MMP26: variants seen among roughly 807,000 people sequenced by gnomAD.
MMP26 encodes the protein matrix metalloproteinase-26.
A neutral mutation model predicts 31.0 loss-of-function variants in MMP26; 33 were observed. The observed-to-expected ratio is 1.06, with a 90% CI of 0.81 to 1.42. MMP26 has a LOEUF of 1.42. MMP26 is among the 40% of genes most tolerant of loss of function. The probability of loss-of-function intolerance (pLI) is 0.00; values close to 1 mark genes in which losing one functional copy is unlikely to be tolerated. For synonymous variants in MMP26, 122 were observed against 114.9 expected (o/e 1.06, Z -0.40); for missense variants, 347 against 316.1 (o/e 1.10, Z -0.74).
At chr11:4,760,516 T>G (rs781116172) in intron 1 of MMP26, among the ~76,000 whole-genome samples, 2 of 152,188 alleles carry the variant, frequency 1.3e-5, no homozygotes, top group Non-Finnish European at 2.9e-5. Flanking sequence ...AGAGGATGGA[T>G]ATAATCTCAC....
chr11:4,724,507 A>G (rs1002949537), intron 1 of MMP26, among the ~76,000 whole-genome samples: 9 of 152,236 alleles, frequency 5.9e-5, no homozygotes, highest in African/African-American at 2.2e-4. Context: ...CATTAAAAAC[A>G]TAAAAGAATC....
intron 2 of MMP26, among the ~76,000 whole-genome samples, chr11:4,969,253 T>C (rs1266877921): frequency 3.3e-5 from 5 of 152,016 alleles, no homozygotes; most frequent in Non-Finnish European, 7.4e-5. Context: ...ATTAATGAAC[T>C]CAAGTATAAG....
At chr11:4,713,952 C>T (rs1437432577) in intron 1 of MMP26, among the ~76,000 whole-genome samples, 1 of 152,030 alleles carries the variant, frequency 6.6e-6, no homozygotes, top group African/African-American at 2.4e-5. Flanking sequence ...AGAATGAGCC[C>T]TTGGGAAGCT....
chr11:4,937,100 T>C (rs1194225464), intron 2 of MMP26, among the ~76,000 whole-genome samples: 1 of 152,194 alleles, frequency 6.6e-6, no homozygotes, highest in Non-Finnish European at 1.5e-5. Flanking sequence ...AGGAAGCAGA[T>C]GCTTCCAGTC....
chr11:4,767,744 T>C (rs1054867056), intron 2 of MMP26, among the ~76,000 whole-genome samples: 1 of 152,204 alleles, frequency 6.6e-6, no homozygotes, highest in Admixed American at 6.5e-5. Flanking sequence ...GTGTGTGCTC[T>C]CTCCAGCACA....
intron 2 of MMP26, among the ~76,000 whole-genome samples, chr11:4,897,872 T>C (rs1250434924): frequency 6.6e-6 from 1 of 150,512 alleles, no homozygotes; most frequent in Non-Finnish European, 1.5e-5. Flanking sequence ...TTGTAATTCT[T>C]AAATGGTAAA....
rs1327460919 is a variant in MMP26 at position 4,821,998 on chromosome 11, G to A, written c.-145+54657G>A. 2 of 1,614,028 alleles carry A rather than the reference G, an allele frequency of 1.2e-6. No individual in the cohort carries two copies. The highest frequency in any genetic ancestry group is 8.5e-7 in the Non-Finnish European group (1 of 1,179,964). On this transcript the variant is annotated intron_variant, in intron 2 of 7. Transcript: ENST00000380390. ...TGATCTCATCCAACTCTCCTGCACAGACAATAGGATCAACAGCATCCTTGG... is the reference window on the plus strand; with the variant it reads ...TGATCTCATCCAACTCTCCTGCACAAACAATAGGATCAACAGCATCCTTGG...
At chr11:4,905,477 C>T (rs1334930119) in intron 2 of MMP26, among the ~76,000 whole-genome samples, 2 of 152,074 alleles carry the variant, frequency 1.3e-5, no homozygotes, top group East Asian at 3.9e-4. Context: ...AGTTAAGCTT[C>T]CATATAAAGG....
chr11:4,715,472 T>C (rs1309681135), intron 1 of MMP26, among the ~76,000 whole-genome samples: 5 of 152,080 alleles, frequency 3.3e-5, no homozygotes, highest in Admixed American at 2.6e-4. Flanking sequence ...GTGGATCAAA[T>C]AGTGGATCTA....
intron 2 of MMP26, among the ~76,000 whole-genome samples, chr11:4,851,595 T>G (rs976489669): frequency 1.3e-5 from 2 of 152,040 alleles, no homozygotes; most frequent in African/African-American, 4.8e-5. Flanking sequence ...ATAATTATAA[T>G]ACTCTATTGT....
chr11:4,889,423 C>T (rs1850586596), intron 2 of MMP26, among the ~76,000 whole-genome samples: 1 of 152,162 alleles, frequency 6.6e-6, no homozygotes, highest in Admixed American at 6.5e-5. Context: ...CAATCAATCA[C>T]ACTTTTTTTC....
intron 2 of MMP26, among the ~76,000 whole-genome samples, chr11:4,870,892 T>C (rs112908291): frequency 0.012 from 1,791 of 152,216 alleles, 38 homozygotes; most frequent in African/African-American, 0.041. Flanking sequence ...GTAGATGATA[T>C]TTAAAGCAGT....
intron 2 of MMP26, among the ~76,000 whole-genome samples, chr11:4,846,647 TC>T (rs954290631): frequency 1.1e-4 from 17 of 152,116 alleles, no homozygotes; most frequent in African/African-American, 4.1e-4. Flanking sequence ...CATGCCTGTA[TC>T]AAAACATCTC....
chr11:4,936,359 T>C (rs1846112025), intron 2 of MMP26, among the ~76,000 whole-genome samples: 1 of 152,050 alleles, frequency 6.6e-6, no homozygotes, highest in Admixed American at 6.6e-5. Context: ...TCTAGTTTAT[T>C]TGCGTAGAGG....
chr11:4,758,335 A>G (rs1272501690), intron 1 of MMP26, among the ~76,000 whole-genome samples: 1 of 152,106 alleles, frequency 6.6e-6, no homozygotes, highest in African/African-American at 2.4e-5. Context: ...TTTGTCTCTG[A>G]GACAGAATTA....
At chr11:4,925,038 A>G (rs567306876) in intron 2 of MMP26, among the ~76,000 whole-genome samples, 234 of 152,360 alleles carry the variant, frequency 1.5e-3, no homozygotes, top group African/African-American at 5.4e-3. Context: ...ATCCTAAAAG[A>G]TAACATTTAT....
intron 2 of MMP26, among the ~76,000 whole-genome samples, chr11:4,814,461 G>T (rs1223178385): frequency 6.6e-6 from 1 of 152,142 alleles, no homozygotes; most frequent in East Asian, 1.9e-4. Context: ...TAGTAGTGTG[G>T]AAGTATGAAG....
Position 4,945,986 on chromosome 11 carries a change from C to T in MMP26, c.-144-42082C>T, listed in dbSNP as rs769912919. 3.1e-4 allele frequency: 200 copies of T among 654,166 alleles called. 1 individual carries two copies. Among genetic ancestry groups the T allele is most frequent in the Non-Finnish European group, 4.4e-4 (167 of 377,496 alleles). The allele number at this position is 654,166 out of a possible 1,614,324, so 40.5% of individuals were successfully genotyped here. A position where few individuals can be genotyped will look rare whatever the true frequency, so the allele number is the denominator to read the frequency against. The stretch of plus-strand genomic sequence containing the variant: ...TAACTGAAATGGGGACATAAGGCAA[C>T]GTACTTCCTGTTTATAGTTCTATTC... On this transcript the variant is annotated intron_variant, in intron 2 of 7. Transcript: ENST00000380390.
chr11:4,880,185 A>T (rs1354344363), intron 2 of MMP26, among the ~76,000 whole-genome samples: 1 of 152,058 alleles, frequency 6.6e-6, no homozygotes, highest in Non-Finnish European at 1.5e-5. Flanking sequence ...TGGGGACTCT[A>T]CTAGGCTGCC....
Sources: allele counts gnomAD v4.1 joint callset (sites outside exome capture counted in the v4.1 genomes callset), GRCh38; gene constraint gnomAD v4.1.1; transcripts MANE v1.5; gene names NCBI Gene and HGNC (gene_info 2026-07-23, HGNC 2026-07-21).